Variants in ABCA9 observed in about 807,000 individuals in gnomAD.
ABCA9 encodes the protein ATP binding cassette subfamily A member 9.
ABCA9 carries 183 observed loss-of-function variants against 205.3 expected under a neutral mutation model. The observed-to-expected ratio is 0.89, with a 90% confidence interval of 0.79 to 1.01. ABCA9 has a LOEUF of 1.01. ABCA9 is among the 50% of genes least tolerant of loss of function. The pLI, the probability that ABCA9 is intolerant of heterozygous loss-of-function variation, is 0.00. For missense variants in ABCA9, 1,805 were observed against 1,912.4 expected (o/e 0.94, Z 1.05); for synonymous variants, 651 against 683.3 (o/e 0.95, Z 0.74).
chr17:69,012,227 A>G, intron 22 of ABCA9, 144 bp from the exon 23 acceptor site: 1 of 543,944 alleles, frequency 1.8e-6, no homozygotes, highest in Non-Finnish European at 3.2e-6. Flanking sequence ...TCTTACCCAC[A>G]TTCATTTTCA....
chr17:69,033,885 A>G lies in ABCA9; in HGVS notation c.1129-12T>C. 1 of 1,563,780 alleles carries G rather than the reference A, an allele frequency of 6.4e-7. No individual in the cohort carries two copies. The highest frequency in any genetic ancestry group is 8.7e-7 in the Non-Finnish European group (1 of 1,148,762). ...TCCAAATGTATAAGCTGAAAAAGAA[A>G]GATACAGTGAATTTTAAAAGAATTA... On this transcript the variant is annotated splice_polypyrimidine_tract_variant and intron_variant, in intron 8 of 38. Transcript: ENST00000340001.
At chr17:68,994,085 A>G (rs1451596625) in intron 26 of ABCA9, among the ~76,000 whole-genome samples, 1 of 152,222 alleles carries the variant, frequency 6.6e-6, no homozygotes, top group African/African-American at 2.4e-5. Context: ...CATGTTGGCC[A>G]GGCTGGTCTC....
chr17:68,981,923 G>C (rs913946911), intron 37 of ABCA9, among the ~76,000 whole-genome samples: 1 of 148,438 alleles, frequency 6.7e-6, no homozygotes, highest in South Asian at 2.1e-4. Context: ...GCTCAAGAAG[G>C]GGCATGAGGT....
In ABCA9 at chr17:69,027,327, T is replaced by G. The variant is rs1185595039; in HGVS notation, c.1911+3A>C. On this transcript the variant is annotated splice_donor_region_variant and intron_variant, in intron 14 of 38. Coordinates refer to ENST00000340001, the MANE Select transcript of ABCA9 (RefSeq NM_080283.4). ...TTTCACCAGTAATTTTTGTTTGACT[T>G]ACTTGAGGATCTCCTAAAATGGCAA... is the stretch of plus-strand genomic sequence containing the variant. The G allele has an allele frequency of 8.7e-6, 14 of 1,611,998 alleles. No homozygotes were observed. The highest frequency in any genetic ancestry group is 9.3e-6 in the Non-Finnish European group (11 of 1,179,252).
intron 27 of ABCA9, chr17:68,992,604 G>T (rs13342218): frequency 9.4e-6 from 2 of 212,110 alleles, no homozygotes; most frequent in Non-Finnish European, 1.9e-5. Context: ...ACATGAGGTC[G>T]GAAGTTCGAG....
chr17:69,029,320 AAAATCTGGGATT>A, intron 10 of ABCA9, 93 bp from the exon 11 acceptor site: 6 of 704,386 alleles, frequency 8.5e-6, no homozygotes, highest in South Asian at 4.5e-5. Context: ...AGCCTCAAAG[AAAATCTGGGATT>A]CTTTTCTTGT....
At chr17:68,982,446 T>C (rs2143952274) in intron 37 of ABCA9, 116 bp downstream of exon 37, 4 of 770,490 alleles carry the variant, frequency 5.2e-6, no homozygotes, top group Middle Eastern at 3.9e-4. Context: ...GTCTTAGTAA[T>C]GTATTAATGA....
chr17:69,027,953 T>G, intron 12 of ABCA9, 138 bp from the exon 13 acceptor site: 1 of 668,984 alleles, frequency 1.5e-6, no homozygotes, highest in East Asian at 2.8e-5. Context: ...TGCAATGAAC[T>G]GATTAAAAAT....
At chr17:69,003,082 CTG>C (rs2069952152) in intron 25 of ABCA9, among the ~76,000 whole-genome samples, 1 of 151,020 alleles carries the variant, frequency 6.6e-6, no homozygotes, top group Admixed American at 6.6e-5. Context: ...GTTTGCCAGT[CTG>C]TGTCTTTTAA....
chr17:69,057,997 G>C (rs77552215), intron 1 of ABCA9, among the ~76,000 whole-genome samples: 1 of 152,142 alleles, frequency 6.6e-6, no homozygotes, highest in Non-Finnish European at 1.5e-5. Context: ...TAATGGTGTC[G>C]TATATAAGGG....
At chr17:69,000,885 A>G (rs891083698) in intron 25 of ABCA9, among the ~76,000 whole-genome samples, 2 of 143,574 alleles carry the variant, frequency 1.4e-5, no homozygotes, top group South Asian at 2.1e-4. Context: ...CTTTGAAGCA[A>G]TTGTGAATGG....
chr17:69,030,059 A>T (rs2071109485), intron 10 of ABCA9, among the ~76,000 whole-genome samples: 1 of 152,204 alleles, frequency 6.6e-6, no homozygotes, highest in Non-Finnish European at 1.5e-5. Flanking sequence ...AGAAGAAAAA[A>T]GATTTTAAGT....
chr17:69,018,674 A>G, intron 19 of ABCA9, 95 bp from the exon 20 acceptor site: 1 of 918,006 alleles, frequency 1.1e-6, no homozygotes, highest in Non-Finnish European at 1.6e-6. Flanking sequence ...ACAGAAATAA[A>G]TTATAATCAA....
intron 6 of ABCA9, among the ~76,000 whole-genome samples, chr17:69,040,845 TAC>T (rs60747623): frequency 0.04 from 6,097 of 152,262 alleles, 244 homozygotes; most frequent in African/African-American, 0.098. Flanking sequence ...CACAGATAGA[TAC>T]AGACATATAG....
rs757589916 is a variant in ABCA9 at position 69,027,044 on chromosome 17, T to C, written c.1982A>G (p.Lys661Arg). 6.2e-7 allele frequency: 1 copy of C among 1,614,146 alleles called. No homozygotes were observed. Among genetic ancestry groups the C allele is most frequent in the South Asian group, 1.1e-5 (1 of 91,090 alleles). ...LSRHRIWNLLKEGKSDRVILF... is the reference protein window; with the variant it reads ...LSRHRIWNLLREGKSDRVILF... ...AATTACTCTGTCTGATTTCCCCTCT[T>C]TCAGGAGATTCCATATTCGGTGCCT... Residue 661 changes from lysine (K) to arginine (R), a missense_variant, in exon 15 of 39, where the codon AAA (lysine) becomes AGA (arginine). By Grantham distance (26) the Lys-to-Arg change is conservative. Coordinates refer to ENST00000340001, the MANE Select transcript of ABCA9 (RefSeq NM_080283.4).
chr17:69,045,370 G>T (rs1034850252), intron 3 of ABCA9, 34 bp from the exon 4 acceptor site: 1 of 1,581,596 alleles, frequency 6.3e-7, no homozygotes, highest in African/African-American at 1.4e-5. Context: ...AAATAGTTAA[G>T]CAAGAAAATC....
In ABCA9 at chr17:69,032,245, A is replaced by G; in HGVS notation, c.1308T>C (p.Phe436=). 6.2e-7 allele frequency: 1 copy of G among 1,614,028 alleles called. No homozygotes were observed. The highest frequency in any genetic ancestry group is 8.5e-7 in the Non-Finnish European group (1 of 1,179,968). The stretch of plus-strand genomic sequence containing the variant: ...GAAACCAAAAACAGGATTTCAGGAA[A>G]AACAAGGGAGAACATCGATGTCCAT... The part of the protein sequence containing the change: ...AEYGHRCSPL[F]FLKSCFWFQH... Residue 436 remains phenylalanine, a synonymous_variant, in exon 10 of 39, where the codon TTT becomes TTC. Coordinates refer to ENST00000340001, the MANE Select transcript of ABCA9 (RefSeq NM_080283.4).
intron 16 of ABCA9, among the ~76,000 whole-genome samples, chr17:69,025,255 A>C (rs543143235): frequency 3.7e-4 from 57 of 152,196 alleles, no homozygotes; most frequent in Non-Finnish European, 6.0e-4. Flanking sequence ...TTAACTGCAA[A>C]GTAGGTATTA....
intron 29 of ABCA9, 78 bp from the exon 30 acceptor site, chr17:68,990,008 A>C: frequency 2.0e-6 from 2 of 1,005,180 alleles, no homozygotes; most frequent in South Asian, 1.5e-5. Flanking sequence ...TTGTCACCAA[A>C]CCTTTCCTTA....
Sources: gnomAD v4.1 joint callset for allele counts (sites outside exome capture counted in the v4.1 genomes callset) on GRCh38, gnomAD v4.1.1 for gene constraint, MANE v1.5 for transcripts, NCBI Gene and HGNC (gene_info 2026-07-23, HGNC 2026-07-21) for gene names.